The following ARHGEF3 variants were observed in gnomAD, a reference collection of about 807,000 sequenced individuals.
ARHGEF3 encodes Rho guanine nucleotide exchange factor 3, also known as 59.8 kDA protein.
Under a neutral mutation model 63.2 loss-of-function variants are expected in ARHGEF3, and 28 were observed. The observed-to-expected ratio is 0.44, with a 90% CI of 0.33 to 0.61. The LOEUF (loss-of-function observed/expected upper bound fraction) is 0.61. Ranked by LOEUF, ARHGEF3 falls within the 20% of genes least tolerant of loss-of-function variation. The pLI, the probability that ARHGEF3 is intolerant of heterozygous loss-of-function variation, is 0.03. For synonymous variants in ARHGEF3, 266 were observed against 254.2 expected (o/e 1.05, Z -0.44); for missense variants, 533 against 659.3 (o/e 0.81, Z 2.10).
intron 4 of ARHGEF3, among the ~76,000 whole-genome samples, chr3:56,840,007 C>T (rs562246000): frequency 6.6e-6 from 1 of 152,272 alleles, no homozygotes; most frequent in Non-Finnish European, 1.5e-5. Flanking sequence ...CTCATCTTGG[C>T]CGTGTGTCAT....
Position 56,732,289 on chromosome 3 carries a change from C to T in ARHGEF3, c.1177G>A (p.Glu393Lys). ...CGCAGGGAGCCACCCAGCCTCACTT[C>T]TCCATCCTGGAGGTCTTCCAGCAGG... ...DLLLEDLQDG[E>K]VRLGGSLRGA... is the part of the protein sequence containing the mutation. Residue 393 changes from glutamate (E) to lysine (K), a missense_variant, in exon 9 of 10, where the codon GAA (glutamate) becomes AAA (lysine). Physicochemically the swap from Glu to Lys is moderately conservative, Grantham distance 56. Coordinates refer to ENST00000296315, the MANE Select transcript of ARHGEF3 (RefSeq NM_019555.3). 6.2e-7 allele frequency: 1 copy of T among 1,614,218 alleles called. No individual in the cohort carries two copies. Among genetic ancestry groups the T allele is most frequent in the Non-Finnish European group, 8.5e-7 (1 of 1,180,052 alleles).
chr3:56,919,726 C>T (rs1411555308), intron 3 of ARHGEF3, among the ~76,000 whole-genome samples: 3 of 152,182 alleles, frequency 2.0e-5, no homozygotes, highest in Non-Finnish European at 2.9e-5. Flanking sequence ...TTAATATGAG[C>T]ACTTACCATG....
intron 2 of ARHGEF3, among the ~76,000 whole-genome samples, chr3:57,021,803 AC>A (rs973992056): frequency 1.3e-5 from 2 of 152,046 alleles, no homozygotes; most frequent in Non-Finnish European, 2.9e-5. Context: ...CAATTAGAAG[AC>A]AAAAAAAGTC....
At chr3:57,055,942 G>A (rs1445448717) in intron 1 of ARHGEF3, among the ~76,000 whole-genome samples, 2 of 152,314 alleles carry the variant, frequency 1.3e-5, no homozygotes, top group South Asian at 2.1e-4. Context: ...AAGTAGGAAT[G>A]TGAATAGGGA....
At chr3:56,843,869 G>A (rs2039398301) in intron 4 of ARHGEF3, among the ~76,000 whole-genome samples, 1 of 152,156 alleles carries the variant, frequency 6.6e-6, no homozygotes, top group African/African-American at 2.4e-5. Flanking sequence ...ATGGCAATTT[G>A]AGGGAGGGAT....
chr3:56,839,033 G>A (rs957681679), intron 4 of ARHGEF3, among the ~76,000 whole-genome samples: 11 of 152,124 alleles, frequency 7.2e-5, no homozygotes. Flanking sequence ...CAGCTACTCA[G>A]GAGGCTGAGG....
intron 1 of ARHGEF3, among the ~76,000 whole-genome samples, chr3:56,785,442 G>T (rs2036755453): frequency 6.6e-6 from 1 of 152,146 alleles, no homozygotes; most frequent in Non-Finnish European, 1.5e-5. Context: ...TGGGCTAGAA[G>T]AGCTGGTCTC....
At position 56,959,160 on chromosome 3, in the gene ARHGEF3, TA is replaced by T. The variant is rs534145520; in HGVS notation, c.63-272del. On this transcript the variant is annotated intron_variant, in intron 2 of 12. Coordinates refer to the ARHGEF3 transcript ENST00000338458. ...AATCTAACACGCAACCTGGATGCAA[TA>T]AAAAAGTCAGACCAGACTCCCAATC... 1.6e-3 allele frequency among the ~76,000 whole-genome samples: 248 copies of T among 152,234 alleles called. 2 individuals carry two copies. Among genetic ancestry groups the T allele is most frequent in the African/African-American group, 5.7e-3 (237 of 41,552 alleles).
At chr3:57,044,925 C>T (rs1704382001) in intron 1 of ARHGEF3, among the ~76,000 whole-genome samples, 1 of 152,152 alleles carries the variant, frequency 6.6e-6, no homozygotes, top group African/African-American at 2.4e-5. Context: ...AGTTCTCATA[C>T]TGTCAAATGG....
rs1361246312 is a variant in ARHGEF3 at position 56,769,637 on chromosome 3, T to TG, written c.204+4071dup. 4.6e-5 allele frequency among the ~76,000 whole-genome samples: 7 copies of TG among 152,322 alleles called. No homozygotes were observed. The East Asian group carries it at 1.4e-3, about 29-fold the overall frequency. On this transcript the variant is annotated intron_variant, in intron 2 of 9. Transcript: ENST00000296315. ...ACTGGGCTTTTAACATTTTTGGAAG[T>TG]GGCTGCCAGCCCAGAGCTCTCCTGA...
Position 56,887,837 on chromosome 3 carries a change from T to G in ARHGEF3, c.130-5483A>C, listed in dbSNP as rs145192974. On this transcript the variant is annotated intron_variant, in intron 3 of 12. Coordinates refer to the ARHGEF3 transcript ENST00000338458. ...TGCACTCTGATTTCAGCACATAACT[T>G]TAACCCCTCAGTGCCCTGTGCTGAG... Among the ~76,000 whole-genome samples, 371 of 152,326 alleles carry G rather than the reference T, an allele frequency of 2.4e-3. 2 individuals are homozygous for G. The highest frequency in any genetic ancestry group is 8.4e-3 in the African/African-American group (349 of 41,572).
At chr3:56,841,841 C>G (rs760267458) in intron 4 of ARHGEF3, among the ~76,000 whole-genome samples, 1 of 152,140 alleles carries the variant, frequency 6.6e-6, no homozygotes. Flanking sequence ...CATACACATA[C>G]AAATTCCCAA....
intron 1 of ARHGEF3, among the ~76,000 whole-genome samples, chr3:56,778,409 C>G (rs1196402514): frequency 6.6e-6 from 1 of 152,228 alleles, no homozygotes; most frequent in Admixed American, 6.5e-5. Flanking sequence ...AAGGGGCTAC[C>G]CAGCCTCTGT....
chr3:56,918,842 A>G (rs893987029), intron 3 of ARHGEF3, among the ~76,000 whole-genome samples: 1 of 152,246 alleles, frequency 6.6e-6, no homozygotes, highest in African/African-American at 2.4e-5. Context: ...TTACATTTTA[A>G]TAGTAACATA....
intron 1 of ARHGEF3, among the ~76,000 whole-genome samples, chr3:57,066,974 G>A (rs1266783084): frequency 6.6e-6 from 1 of 152,104 alleles, no homozygotes; most frequent in Non-Finnish European, 1.5e-5. Context: ...AGATAGATGA[G>A]CGATTGATTG....
Position 56,728,135 on chromosome 3 carries a change from C to G in ARHGEF3, c.*1135G>C, listed in dbSNP as rs1340905876. 2 of 152,584 alleles carry G rather than the reference C, an allele frequency of 1.3e-5. No homozygotes were observed. Among genetic ancestry groups the G allele is most frequent in the African/African-American group, 4.8e-5 (2 of 41,420 alleles). The allele number at this position is 152,584 out of a possible 1,614,324, so 9.5% of individuals were successfully genotyped here. On this transcript the variant is annotated 3_prime_UTR_variant, in exon 10 of 10. Transcript: ENST00000296315. ...AGGTTACTAATCTGGCTAGCTGATT[C>G]TAATTAATCAGAGTTAATGAAATTG... is the stretch of plus-strand genomic sequence containing the variant.
chr3:56,834,026 C>T (rs2039020376), intron 4 of ARHGEF3, among the ~76,000 whole-genome samples: 1 of 151,966 alleles, frequency 6.6e-6, no homozygotes, highest in Admixed American at 6.6e-5. Context: ...GCCTCAGTCT[C>T]CTGAGTAGCT....
intron 4 of ARHGEF3, among the ~76,000 whole-genome samples, chr3:56,876,585 T>C (rs1055905167): frequency 6.6e-6 from 1 of 151,978 alleles, no homozygotes. Context: ...AATACATGGA[T>C]CTCAAAAGCA....
chr3:56,963,510 C>T (rs907354304), intron 2 of ARHGEF3, among the ~76,000 whole-genome samples: 1 of 152,200 alleles, frequency 6.6e-6, no homozygotes, highest in Non-Finnish European at 1.5e-5. Flanking sequence ...AATTTCCTAA[C>T]TCCACTTTCC....
Sources: gnomAD v4.1 joint callset for allele counts (sites outside exome capture counted in the v4.1 genomes callset) on GRCh38, gnomAD v4.1.1 for gene constraint, MANE v1.5 for transcripts, NCBI Gene and HGNC (gene_info 2026-07-23, HGNC 2026-07-21) for gene names.